The following PCDHA3 variants were observed in gnomAD, a reference collection of about 807,000 sequenced individuals.
PCDHA3 encodes protocadherin alpha-3.
In PCDHA3, 41 loss-of-function variants were observed where a neutral mutation model predicts 62.2. The observed-to-expected ratio is 0.66, with a 90% CI of 0.51 to 0.86. The LOEUF (loss-of-function observed/expected upper bound fraction) is 0.86, where lower values mean the gene tolerates loss of function less well. Ranked by LOEUF, PCDHA3 falls within the 40% of genes least tolerant of loss-of-function variation. The pLI is 0.00. For synonymous variants in PCDHA3, 640 were observed against 555.4 expected, an observed-to-expected ratio of 1.15 and a Z score of -2.14; for missense variants, 1,304 against 1,241.2, an observed-to-expected ratio of 1.05 and a Z score of -0.76.
intron 1 of PCDHA3, chr5:140,877,509 G>A (rs781824762): frequency 5.6e-6 from 9 of 1,613,700 alleles, no homozygotes; most frequent in Non-Finnish European, 7.6e-6. Context: ...CAAAGACGTC[G>A]TCGCGGGCCT....
At chr5:140,876,724 G>C (rs140611870) in intron 1 of PCDHA3, 4 of 1,614,128 alleles carry the variant, frequency 2.5e-6, no homozygotes, top group Non-Finnish European at 2.5e-6. Context: ...CCGCGAGAGC[G>C]TGTCGGCCTA....
At chr5:140,987,227 A>T (rs1410526870) in intron 3 of PCDHA3, among the ~76,000 whole-genome samples, 2 of 151,696 alleles carry the variant, frequency 1.3e-5, no homozygotes, top group African/African-American at 4.8e-5. Context: ...AAAAAAAAAA[A>T]TAATAAATAA....
intron 1 of PCDHA3, chr5:140,828,073 A>T: frequency 2.6e-6 from 4 of 1,567,184 alleles, no homozygotes; most frequent in Non-Finnish European, 3.5e-6. Context: ...TAATGGAAAT[A>T]AAACCAGAGG....
chr5:140,805,678 T>C, intron 1 of PCDHA3: 1 of 806,242 alleles, frequency 1.2e-6, no homozygotes, highest in South Asian at 5.7e-5. Flanking sequence ...CCAGGATGAT[T>C]CAAAGATCAT....
At chr5:140,875,324 C>G in intron 1 of PCDHA3, 2 of 1,426,280 alleles carry the variant, frequency 1.4e-6, no homozygotes, top group Non-Finnish European at 1.8e-6. Flanking sequence ...CAATCATTCA[C>G]GGAATAGGAT....
intron 1 of PCDHA3, among the ~76,000 whole-genome samples, chr5:140,938,918 A>T (rs2092265154): frequency 6.6e-6 from 1 of 152,006 alleles, no homozygotes; most frequent in Non-Finnish European, 1.5e-5. Flanking sequence ...CACGCACAAG[A>T]AATTGGCTTT....
intron 1 of PCDHA3, among the ~76,000 whole-genome samples, chr5:140,906,185 A>G (rs574875890): frequency 2.8e-4 from 43 of 152,270 alleles, no homozygotes; most frequent in African/African-American, 1.0e-3. Flanking sequence ...GCATCCTTCA[A>G]TCCAATCAAG....
In PCDHA3 at chr5:140,993,459, T is replaced by TTC. The variant is rs202191067; in HGVS notation, c.2542+10899_2542+10900dup. 1.1e-4 allele frequency among the ~76,000 whole-genome samples: 9 copies of TTC among 83,038 alleles called. No individual in the cohort carries two copies. The East Asian group carries it at 1.5e-3, about 13-fold the overall frequency. 54.5% of individuals were successfully genotyped at this position (83,038 alleles called of 152,430 possible). Reference sequence around the variant, plus strand: ...ATTCATTCCTGTTCTCCTTCTTTCTTTCTCACACACACACACACACACACA... The same window carrying TTC: ...ATTCATTCCTGTTCTCCTTCTTTCTTTCTCTCACACACACACACACACACACA... On this transcript the variant is annotated intron_variant, in intron 3 of 3. Coordinates refer to ENST00000522353, the MANE Select transcript of PCDHA3 (RefSeq NM_018906.3).
chr5:140,830,422 A>C (rs1771053469), intron 1 of PCDHA3: 6 of 1,613,926 alleles, frequency 3.7e-6, no homozygotes, highest in Admixed American at 1.7e-5. Flanking sequence ...CCAGCCTTTC[A>C]CCTTGTCCTA....
chr5:140,947,948 T>C (rs2094196051), intron 1 of PCDHA3, among the ~76,000 whole-genome samples: 1 of 151,586 alleles, frequency 6.6e-6, no homozygotes, highest in South Asian at 2.1e-4. Context: ...AAGTGTTCCA[T>C]ATTTTACAAT....
intron 1 of PCDHA3, chr5:140,877,170 G>A (rs782615376): frequency 6.2e-7 from 1 of 1,613,712 alleles, no homozygotes. Flanking sequence ...CGGCACTGCT[G>A]GCGACTCCGG....
intron 1 of PCDHA3, among the ~76,000 whole-genome samples, chr5:140,916,167 C>T (rs2077462600): frequency 6.6e-6 from 1 of 152,080 alleles, no homozygotes; most frequent in South Asian, 2.1e-4. Context: ...TGCTGCCAGG[C>T]CTGGGACTCT....
At chr5:140,870,912 C>T (rs1554164817) in intron 1 of PCDHA3, 1 of 1,613,952 alleles carries the variant, frequency 6.2e-7, no homozygotes, top group Admixed American at 1.7e-5. Flanking sequence ...CAGGCTACAA[C>T]GCGTGGCTTT....
At chr5:140,819,693 G>A (rs1297112025) in intron 1 of PCDHA3, among the ~76,000 whole-genome samples, 4 of 152,056 alleles carry the variant, frequency 2.6e-5, no homozygotes, top group Admixed American at 2.6e-4. Flanking sequence ...AAATGCAAGT[G>A]ATAATTTAAA....
chr5:140,803,449 C>CGCAGCAGAG lies in PCDHA3; in HGVS notation c.2263_2271dup (p.Gln755_Arg757dup), dbSNP rs558413778. The CGCAGCAGAG allele has an allele frequency of 1.4e-4, 219 of 1,614,208 alleles. No homozygotes were observed. The African/African-American group carries it at 2.6e-3, about 19-fold the overall frequency. ...AGCGCGGTGGGGAGCTGGTCATACTCGCAGCAGAGGCAGCAGAGGGTGTGC... is the reference window on the plus strand; with the variant it reads ...AGCGCGGTGGGGAGCTGGTCATACTCGCAGCAGAGGCAGCAGAGGCAGCAGAGGGTGTGC... On this transcript the variant is annotated inframe_insertion, in exon 1 of 4. Transcript: ENST00000522353.
intron 1 of PCDHA3, chr5:140,928,913 G>T (rs782438428): frequency 2.5e-6 from 4 of 1,614,132 alleles, no homozygotes; most frequent in Non-Finnish European, 2.5e-6. Flanking sequence ...TGGGAACCAG[G>T]AGGGCAGCTT....
intron 1 of PCDHA3, chr5:140,966,879 GC>G: frequency 1.3e-6 from 2 of 1,587,514 alleles, no homozygotes; most frequent in Non-Finnish European, 1.7e-6. Flanking sequence ...CTGCTACCTG[GC>G]CCTGCGGCCT....
At chr5:140,982,436 T>G (rs782353079) in intron 2 of PCDHA3, 39 bp from the exon 3 acceptor site, 18 of 1,613,262 alleles carry the variant, frequency 1.1e-5, no homozygotes, top group Non-Finnish European at 1.5e-5. Context: ...GGAAAGAATT[T>G]ATGATCTAAC....
chr5:140,831,934 C>T (rs1161923837), intron 1 of PCDHA3, among the ~76,000 whole-genome samples: 1 of 152,026 alleles, frequency 6.6e-6, no homozygotes, highest in African/African-American at 2.4e-5. Context: ...ACTAGTTTTC[C>T]GAAGAGGAAA....
Sources: gnomAD v4.1 joint callset for allele counts (sites outside exome capture counted in the v4.1 genomes callset) on GRCh38, gnomAD v4.1.1 for gene constraint, MANE v1.5 for transcripts, NCBI Gene and HGNC (gene_info 2026-07-23, HGNC 2026-07-21) for gene names.